Variants in LRRC4C observed in about 807,000 individuals in gnomAD.
LRRC4C encodes leucine rich repeat containing 4C.
A neutral mutation model predicts 33.6 loss-of-function variants in LRRC4C; 5 were observed. The ratio of observed to expected loss-of-function variants is 0.15; its 90% CI spans 0.08 to 0.31. LRRC4C has a LOEUF of 0.31. Ranked by LOEUF, LRRC4C falls within the 10% of genes least tolerant of loss-of-function variation. LRRC4C has a pLI of 1.00. For missense variants in LRRC4C, 560 were observed against 796.7 expected, an observed-to-expected ratio of 0.70 and a Z score of 3.58; for synonymous variants, 329 against 302.0, an observed-to-expected ratio of 1.09 and a Z score of -0.93.
intron 1 of LRRC4C, among the ~76,000 whole-genome samples, chr11:41,063,961 T>G (rs2135381954): frequency 6.6e-6 from 1 of 152,198 alleles, no homozygotes; most frequent in East Asian, 1.9e-4. Flanking sequence ...TGGCAGGTCT[T>G]TGTGATCAGG....
chr11:40,457,953 A>G (rs1256444319), intron 3 of LRRC4C, among the ~76,000 whole-genome samples: 1 of 152,158 alleles, frequency 6.6e-6, no homozygotes. Flanking sequence ...GTGACTGAGT[A>G]GAACAAACAT....
At chr11:40,975,189 T>A (rs1392013734) in intron 1 of LRRC4C, among the ~76,000 whole-genome samples, 1 of 152,236 alleles carries the variant, frequency 6.6e-6, no homozygotes, top group African/African-American at 2.4e-5. Flanking sequence ...AGCATTATTT[T>A]CATTAAACAA....
intron 1 of LRRC4C, among the ~76,000 whole-genome samples, chr11:41,414,689 C>G (rs1350581242): frequency 6.6e-6 from 1 of 151,902 alleles, no homozygotes; most frequent in Non-Finnish European, 1.5e-5. Context: ...AAGATAAAAC[C>G]TGGGAGAGAA....
chr11:40,486,542 G>A (rs185919894), intron 3 of LRRC4C, among the ~76,000 whole-genome samples: 2 of 152,028 alleles, frequency 1.3e-5, no homozygotes, highest in Non-Finnish European at 2.9e-5. Context: ...TAAGGCAAAA[G>A]AGGAAATTTC....
rs1017255305 is a variant in LRRC4C, at chr11:40,275,488, A to T, written c.-175-33890T>A. 5.9e-5 allele frequency among the ~76,000 whole-genome samples: 9 copies of T among 152,170 alleles called. No homozygotes were observed. The East Asian group carries it at 9.6e-4, about 16-fold the overall frequency. ...CAGGCAGCCCTCTGAAGCACAACGG[A>T]GCCCACAGAAGCAGGTTGCTTTGAT... On this transcript the variant is annotated intron_variant, in intron 4 of 6. Coordinates refer to ENST00000528697, the MANE Select transcript of LRRC4C (RefSeq NM_001258419.2).
At chr11:40,448,787 T>A (rs527757017) in intron 3 of LRRC4C, among the ~76,000 whole-genome samples, 1 of 152,358 alleles carries the variant, frequency 6.6e-6, no homozygotes, top group African/African-American at 2.4e-5. Context: ...CTGGATCAAA[T>A]GGTATTTCTG....
At chr11:41,247,569 G>A (rs1314984513) in intron 1 of LRRC4C, among the ~76,000 whole-genome samples, 1 of 152,144 alleles carries the variant, frequency 6.6e-6, no homozygotes, top group African/African-American at 2.4e-5. Context: ...TACTTAAATG[G>A]CCAAATTATC....
intron 4 of LRRC4C, among the ~76,000 whole-genome samples, chr11:40,318,363 C>G (rs1352291258): frequency 6.6e-6 from 1 of 151,534 alleles, no homozygotes; most frequent in Non-Finnish European, 1.5e-5. Flanking sequence ...CAAAATAAAC[C>G]AAACATTTTT....
chr11:40,272,424 C>T (rs192589912), intron 4 of LRRC4C, among the ~76,000 whole-genome samples: 506 of 152,130 alleles, frequency 3.3e-3, no homozygotes, highest in Non-Finnish European at 5.1e-3. Context: ...AATAAGGCAG[C>T]TATGAGTTCT....
At chr11:40,773,177 A>T (rs1036922331) in intron 2 of LRRC4C, among the ~76,000 whole-genome samples, 1 of 152,202 alleles carries the variant, frequency 6.6e-6, no homozygotes, top group South Asian at 2.1e-4. Flanking sequence ...ATAAGAGAGT[A>T]GAATGATGGT....
At chr11:41,383,679 C>T (rs986407237) in intron 1 of LRRC4C, among the ~76,000 whole-genome samples, 1 of 151,514 alleles carries the variant, frequency 6.6e-6, no homozygotes, top group Non-Finnish European at 1.5e-5. Context: ...AAAAGAAAAA[C>T]ATACATAAAC....
chr11:41,178,905 C>G (rs1304539015), intron 1 of LRRC4C, among the ~76,000 whole-genome samples: 1 of 152,014 alleles, frequency 6.6e-6, no homozygotes, highest in African/African-American at 2.4e-5. Context: ...GTTTCACCAT[C>G]TTGGCCAGGC....
At chr11:40,496,589 A>G (rs1488737443) in intron 3 of LRRC4C, among the ~76,000 whole-genome samples, 1 of 152,166 alleles carries the variant, frequency 6.6e-6, no homozygotes, top group Non-Finnish European at 1.5e-5. Flanking sequence ...GGGAAAATAT[A>G]CCAGAAAGAA....
chr11:40,185,424 C>T (rs1861330603), intron 5 of LRRC4C, among the ~76,000 whole-genome samples: 1 of 152,116 alleles, frequency 6.6e-6, no homozygotes. Context: ...CCAACCACAA[C>T]CTTTCCCATA....
chr11:40,715,859 T>C (rs1946680041), intron 2 of LRRC4C, among the ~76,000 whole-genome samples: 1 of 152,080 alleles, frequency 6.6e-6, no homozygotes, highest in African/African-American at 2.4e-5. Flanking sequence ...ACCCTATCTC[T>C]AGTAAAAATA....
chr11:41,419,630 C>T (rs1954807223), intron 1 of LRRC4C, among the ~76,000 whole-genome samples: 1 of 151,896 alleles, frequency 6.6e-6, no homozygotes, highest in African/African-American at 2.4e-5. Context: ...TAAAAGCTAC[C>T]ACTTACTGAG....
At chr11:41,126,581 A>G (rs9787820) in intron 1 of LRRC4C, among the ~76,000 whole-genome samples, 62,571 of 151,692 alleles carry the variant, frequency 0.41, 13,933 homozygotes, top group Middle Eastern at 0.53. Flanking sequence ...ACTAACTCCA[A>G]AAGAACCATA....
At chr11:40,663,180 A>C (rs1943540000) in intron 2 of LRRC4C, among the ~76,000 whole-genome samples, 1 of 152,162 alleles carries the variant, frequency 6.6e-6, no homozygotes, top group South Asian at 2.1e-4. Context: ...TCCCAGGTTC[A>C]AGTGCTTCTC....
intron 3 of LRRC4C, among the ~76,000 whole-genome samples, chr11:40,320,315 C>T (rs987890405): frequency 2.0e-5 from 3 of 152,096 alleles, no homozygotes; most frequent in Admixed American, 6.5e-5. Context: ...ACCATCCTGT[C>T]TAACACGGTG....
Sources: gnomAD v4.1 joint callset for allele counts (sites outside exome capture counted in the v4.1 genomes callset) on GRCh38, gnomAD v4.1.1 for gene constraint, MANE v1.5 for transcripts, NCBI Gene and HGNC (gene_info 2026-07-23, HGNC 2026-07-21) for gene names.